The following MBNL2 variants were observed in gnomAD, a reference collection of about 807,000 sequenced individuals.
MBNL2 encodes muscleblind-like protein 2.
A neutral mutation model predicts 41.9 loss-of-function variants in MBNL2; 17 were observed. The observed-to-expected ratio is 0.41, with a 90% CI of 0.28 to 0.61. The LOEUF (loss-of-function observed/expected upper bound fraction) is 0.61, where lower values mean the gene tolerates loss of function less well. Among genes scored for constraint, MBNL2 ranks in the 20% least tolerant of loss-of-function variants. The pLI is 0.35. For synonymous variants in MBNL2, 195 were observed against 182.9 expected, an observed-to-expected ratio of 1.07 and a Z score of -0.53; for missense variants, 336 against 505.6, an observed-to-expected ratio of 0.66 and a Z score of 3.22.
At chr13:97,306,934 G>T (rs1407282034) in intron 2 of MBNL2, among the ~76,000 whole-genome samples, 1 of 152,202 alleles carries the variant, frequency 6.6e-6, no homozygotes, top group Non-Finnish European at 1.5e-5. Flanking sequence ...TCAGGAATGT[G>T]TGGAGGCTCT....
At chr13:97,188,647 GAA>G in the MBNL2 span, among the ~76,000 whole-genome samples, 67 of 147,088 alleles carry the variant, frequency 4.6e-4, no homozygotes, top group East Asian at 8.0e-4. Context: ...AAAGAGAAAG[GAA>G]AAAAAAAAAA....
At chr13:97,207,979 C>A in the MBNL2 span, among the ~76,000 whole-genome samples, 1 of 152,356 alleles carries the variant, frequency 6.6e-6, no homozygotes, top group African/African-American at 2.4e-5. Flanking sequence ...TCCCTTGACT[C>A]TATGTCTCAC....
chr13:97,224,553 G>A (rs2041300072), intron 1 of MBNL2, among the ~76,000 whole-genome samples: 1 of 140,746 alleles, frequency 7.1e-6, no homozygotes, highest in African/African-American at 2.7e-5. Flanking sequence ...TGATTTTTCT[G>A]TCTTTTAATA....
At chr13:97,256,752 T>C (rs2047622688) in intron 1 of MBNL2, among the ~76,000 whole-genome samples, 1 of 152,240 alleles carries the variant, frequency 6.6e-6, no homozygotes, top group Non-Finnish European at 1.5e-5. Flanking sequence ...TTTGAGTTCA[T>C]TGGCTTGCCC....
the MBNL2 span, among the ~76,000 whole-genome samples, chr13:97,164,389 G>T: frequency 1.3e-5 from 2 of 152,300 alleles, no homozygotes; most frequent in South Asian, 2.1e-4. Context: ...CCACGACTCT[G>T]CTTTATTAAC....
chr13:97,159,000 A>C, the MBNL2 span, among the ~76,000 whole-genome samples: 1 of 150,336 alleles, frequency 6.7e-6, no homozygotes, highest in African/African-American at 2.4e-5. Flanking sequence ...GTGGGGTGTT[A>C]AAGTCTCCCA....
chr13:97,339,604 A>G (rs2061256550), intron 3 of MBNL2, among the ~76,000 whole-genome samples: 3 of 152,108 alleles, frequency 2.0e-5, no homozygotes, highest in Admixed American at 2.0e-4. Flanking sequence ...GAACAGAATC[A>G]TTGGAAGGTG....
In MBNL2 at chr13:97,343,220, C is replaced by T. The variant is rs78180140; in HGVS notation, c.540+4C>T. On this transcript the variant is annotated splice_donor_region_variant and intron_variant, in intron 4 of 8. Transcript: ENST00000679496. ...TCTCAGGACTGACAAACTGGAGGTA[C>T]TTCAATTCTACTTGTGTTTTGACAT... is the stretch of plus-strand genomic sequence containing the variant. The T allele has an allele frequency of 7.8e-4, 1,233 of 1,588,508 alleles. 10 individuals are homozygous for T. The African/African-American group carries it at 0.015, about 20-fold the overall frequency.
intron 8 of MBNL2, among the ~76,000 whole-genome samples, chr13:97,370,667 C>A (rs1361716329): frequency 1.0e-4 from 14 of 137,796 alleles, no homozygotes; most frequent in Admixed American, 2.2e-4. Flanking sequence ...GAAACTCCGT[C>A]AAAAAAAAAA....
chr13:97,294,291 C>T (rs533729646), intron 2 of MBNL2, among the ~76,000 whole-genome samples: 1 of 152,272 alleles, frequency 6.6e-6, no homozygotes, highest in Non-Finnish European at 1.5e-5. Context: ...ATACTCCCTG[C>T]AAGACACATG....
At chr13:97,249,820 C>T (rs2046177834) in intron 1 of MBNL2, among the ~76,000 whole-genome samples, 1 of 152,184 alleles carries the variant, frequency 6.6e-6, no homozygotes, top group Non-Finnish European at 1.5e-5. Flanking sequence ...TTTCCCCCCT[C>T]AAAGTTCTAT....
chr13:97,212,952 T>C, the MBNL2 span, among the ~76,000 whole-genome samples: 1 of 152,134 alleles, frequency 6.6e-6, no homozygotes, highest in African/African-American at 2.4e-5. Flanking sequence ...AAGGGCCCTC[T>C]ACTGGTCAGA....
At chr13:97,356,988 C>T (rs942534457) in intron 6 of MBNL2, 139 bp downstream of exon 6, 1 of 340,874 alleles carries the variant, frequency 2.9e-6, no homozygotes, top group Non-Finnish European at 5.5e-6. Context: ...GTTTAGCCAT[C>T]TCATTCTCAT....
At chr13:97,258,965 T>C (rs2048083192) in intron 1 of MBNL2, among the ~76,000 whole-genome samples, 1 of 152,194 alleles carries the variant, frequency 6.6e-6, no homozygotes, top group Non-Finnish European at 1.5e-5. Flanking sequence ...CGAGATATGT[T>C]AACCCCCAGA....
upstream of MBNL2, chr13:97,221,390 A>AAATAAATAAATT (rs1555302547): frequency 8.9e-4 from 136 of 152,260 alleles, no homozygotes; most frequent in African/African-American, 2.8e-3. Flanking sequence ...ATAAATAAAT[A>AAATAAATAAATT]AATAAATAAC....
intron 2 of MBNL2, among the ~76,000 whole-genome samples, chr13:97,308,727 A>C (rs1295391956): frequency 6.6e-6 from 1 of 152,160 alleles, no homozygotes; most frequent in Non-Finnish European, 1.5e-5. Context: ...TTTTCCTCTG[A>C]TTTGTTCACA....
At chr13:97,190,971 A>G in the MBNL2 span, among the ~76,000 whole-genome samples, 1 of 152,124 alleles carries the variant, frequency 6.6e-6, no homozygotes, top group African/African-American at 2.4e-5. Flanking sequence ...TTAATGAGAG[A>G]TGAGCATGTT....
chr13:97,229,811 A>C (rs540725626), intron 1 of MBNL2, among the ~76,000 whole-genome samples: 41 of 152,358 alleles, frequency 2.7e-4, no homozygotes, highest in African/African-American at 9.4e-4. Context: ...CTTTATAAAG[A>C]TTCAATTGGG....
At chr13:97,313,023 G>A (rs2058740763) in intron 2 of MBNL2, among the ~76,000 whole-genome samples, 1 of 152,160 alleles carries the variant, frequency 6.6e-6, no homozygotes, top group Admixed American at 6.5e-5. Flanking sequence ...CATTGGGGTA[G>A]CAATCGTCTA....
Sources: allele counts gnomAD v4.1 joint callset (sites outside exome capture counted in the v4.1 genomes callset), GRCh38; gene constraint gnomAD v4.1.1; transcripts MANE v1.5; gene names NCBI Gene and HGNC (gene_info 2026-07-23, HGNC 2026-07-21).